DPP6: variants seen among roughly 807,000 people sequenced by gnomAD.
DPP6 encodes dipeptidyl peptidase like 6, also known as A-type potassium channel modulatory protein DPP6.
A neutral mutation model predicts 122.6 loss-of-function variants in DPP6; 69 were observed. The ratio of observed to expected loss-of-function variants is 0.56; its 90% CI spans 0.46 to 0.69. DPP6 has a LOEUF of 0.69. DPP6 is among the 30% of genes least tolerant of loss of function. The pLI is 0.00. For synonymous variants in DPP6, 418 were observed against 433.1 expected (o/e 0.97, Z 0.43); for missense variants, 928 against 1,116.9 (o/e 0.83, Z 2.41).
chr7:154,468,427 G>A (rs1039402096), intron 2 of DPP6, among the ~76,000 whole-genome samples: 1 of 152,140 alleles, frequency 6.6e-6, no homozygotes, highest in Non-Finnish European at 1.5e-5. Flanking sequence ...AAACCATTGT[G>A]TTGTAGACTT....
chr7:154,180,629 T>G (rs1798036803), intron 1 of DPP6, among the ~76,000 whole-genome samples: 1 of 151,224 alleles, frequency 6.6e-6, no homozygotes, highest in Non-Finnish European at 1.5e-5. Flanking sequence ...CTTAAACACT[T>G]AGATCCATGA....
At chr7:154,055,951 G>A (rs1800791722) in intron 1 of DPP6, 1 of 152,212 alleles carries the variant, frequency 6.6e-6, no homozygotes, top group Non-Finnish European at 1.5e-5. Flanking sequence ...TATAGTTCTT[G>A]GCTTCTGTGC....
upstream of DPP6, among the ~76,000 whole-genome samples, chr7:154,052,005 G>A (rs376609466): frequency 0.1 from 15,109 of 150,744 alleles, 1,078 homozygotes; most frequent in Admixed American, 0.24. This position sits in a 1 kb window ranked among gnomAD's most constrained non-coding sequence, Gnocchi z 4.8. Context: ...GCGCCGCAGC[G>A]CGTGCGTGGC....
intron 1 of DPP6, among the ~76,000 whole-genome samples, chr7:154,175,269 C>T (rs1797741293): frequency 6.6e-6 from 1 of 152,010 alleles, no homozygotes; most frequent in African/African-American, 2.4e-5. Flanking sequence ...AGAGACTTTG[C>T]AGATGGAATT....
At chr7:154,237,889 C>G (rs79203470) in intron 1 of DPP6, among the ~76,000 whole-genome samples, 16,296 of 152,172 alleles carry the variant, frequency 0.11, 1,299 homozygotes, top group African/African-American at 0.22. Flanking sequence ...CGTGTAAGTC[C>G]ATCTCTGGGC....
chr7:154,474,914 C>G, intron 2 of DPP6, 25 bp from the exon 3 acceptor site: 1 of 1,560,930 alleles, frequency 6.4e-7, no homozygotes, highest in Non-Finnish European at 8.8e-7. Flanking sequence ...ACAAGCTTAA[C>G]TCTTTGCTTT....
the DPP6 span, among the ~76,000 whole-genome samples, chr7:153,878,033 A>G: frequency 5.4e-4 from 83 of 152,328 alleles, 1 homozygote; most frequent in African/African-American, 1.9e-3. Context: ...CACTGTCATT[A>G]GTTTTTGAGG....
chr7:154,026,629 C>T (rs1447620455), intron 1 of DPP6: 1 of 151,988 alleles, frequency 6.6e-6, no homozygotes, highest in Non-Finnish European at 1.5e-5. Context: ...TTGGCCTTTT[C>T]TCCATCTGTG....
intron 1 of DPP6, among the ~76,000 whole-genome samples, chr7:154,226,782 T>G (rs1800630239): frequency 1.3e-5 from 2 of 152,204 alleles, no homozygotes; most frequent in Admixed American, 1.3e-4. Flanking sequence ...TGGTGGTATG[T>G]GATCTTCAGA....
At chr7:154,623,068 T>A (rs948175905) in intron 5 of DPP6, among the ~76,000 whole-genome samples, 28 of 152,208 alleles carry the variant, frequency 1.8e-4, no homozygotes, top group African/African-American at 6.5e-4. Context: ...TAGTCTTGTA[T>A]CCAGGTGGCA....
chr7:154,621,061 C>T (rs1209044545), intron 5 of DPP6, among the ~76,000 whole-genome samples: 3 of 152,166 alleles, frequency 2.0e-5, no homozygotes, highest in Non-Finnish European at 4.4e-5. Flanking sequence ...GAAACCCTAC[C>T]TCAATACTAC....
intron 7 of DPP6, among the ~76,000 whole-genome samples, chr7:154,693,578 C>T (rs1363473228): frequency 6.6e-6 from 1 of 152,136 alleles, no homozygotes; most frequent in East Asian, 1.9e-4. Context: ...GGGTGGGAGG[C>T]CCCTGGCTGG....
intron 5 of DPP6, among the ~76,000 whole-genome samples, chr7:154,628,007 T>C (rs1835190701): frequency 6.6e-6 from 1 of 152,140 alleles, no homozygotes. Flanking sequence ...GCAGTTAAAG[T>C]TATGTACCCA....
At chr7:154,438,952 G>T (rs368363131) in intron 1 of DPP6, among the ~76,000 whole-genome samples, 24 of 152,200 alleles carry the variant, frequency 1.6e-4, no homozygotes, top group Non-Finnish European at 2.8e-4. Flanking sequence ...GGGCCCATGG[G>T]TGGAGGAGGA....
chr7:154,366,780 A>G (rs1563553263), intron 1 of DPP6, among the ~76,000 whole-genome samples: 1 of 152,234 alleles, frequency 6.6e-6, no homozygotes, highest in South Asian at 2.1e-4. Context: ...AGTTGAAACA[A>G]TGAAAGGCAG....
intron 1 of DPP6, among the ~76,000 whole-genome samples, chr7:153,987,209 G>A (rs1217452332): frequency 2.6e-5 from 4 of 152,136 alleles, no homozygotes; most frequent in African/African-American, 9.7e-5. Flanking sequence ...TCTCAATGAG[G>A]AGAAGTAGAT....
In DPP6 at chr7:154,276,143, G is replaced by T. The variant is rs1032300164; in HGVS notation, c.244-170071G>T. 2.6e-5 allele frequency among the ~76,000 whole-genome samples: 4 copies of T among 152,256 alleles called. No individual in the cohort carries two copies. The East Asian group carries it at 7.7e-4, about 29-fold the overall frequency. ...TACAATGCTTCTTTACTGAGGGTGGGTCTATTTTGTTTTAAGCTTATGGAT... is the reference window on the plus strand; with the variant it reads ...TACAATGCTTCTTTACTGAGGGTGGTTCTATTTTGTTTTAAGCTTATGGAT... On this transcript the variant is annotated intron_variant, in intron 1 of 25. Transcript: ENST00000377770.
chr7:154,886,198 A>G (rs1806132099), intron 22 of DPP6, among the ~76,000 whole-genome samples: 1 of 152,188 alleles, frequency 6.6e-6, no homozygotes, highest in East Asian at 1.9e-4. Flanking sequence ...GATGGTTGGG[A>G]GGGAATTGCT....
intron 1 of DPP6, among the ~76,000 whole-genome samples, chr7:154,308,494 A>C (rs1806570870): frequency 6.6e-6 from 1 of 152,162 alleles, no homozygotes; most frequent in African/African-American, 2.4e-5. Flanking sequence ...TTTGGAAGCA[A>C]TATATACTTT....
Sources: allele counts gnomAD v4.1 joint callset (sites outside exome capture counted in the v4.1 genomes callset), GRCh38; gene constraint gnomAD v4.1.1; non-coding constraint Gnocchi (gnomAD v3.1); transcripts MANE v1.5; gene names NCBI Gene and HGNC (gene_info 2026-07-23, HGNC 2026-07-21).